NAV3: variants seen among roughly 807,000 people sequenced by gnomAD.
NAV3 encodes the protein neuron navigator 3.
A neutral mutation model predicts 244.7 loss-of-function variants in NAV3; 87 were observed. The observed-to-expected ratio is 0.36, with a 90% CI of 0.30 to 0.42. NAV3 has a LOEUF of 0.42. Ranked by LOEUF, NAV3 falls within the 20% of genes least tolerant of loss-of-function variation. The pLI, the probability that NAV3 is intolerant of heterozygous loss-of-function variation, is 1.00. For missense variants in NAV3, 2,663 were observed against 2,893.3 expected (o/e 0.92, Z 1.83); for synonymous variants, 1,126 against 1,042.2 (o/e 1.08, Z -1.55).
intron 3 of NAV3, among the ~76,000 whole-genome samples, chr12:77,959,055 T>A (rs1325350778): frequency 6.6e-6 from 1 of 152,176 alleles, no homozygotes; most frequent in East Asian, 1.9e-4. Context: ...AAAAATATAA[T>A]GTATTACTCT....
intron 2 of NAV3, among the ~76,000 whole-genome samples, chr12:77,706,394 A>G (rs972543532): frequency 6.6e-6 from 1 of 151,354 alleles, no homozygotes; most frequent in Admixed American, 6.6e-5. Flanking sequence ...GACTTTCTTC[A>G]AATTAGGGAT....
chr12:77,807,132 T>C (rs1186901427), intron 2 of NAV3, among the ~76,000 whole-genome samples: 2 of 152,216 alleles, frequency 1.3e-5, no homozygotes, highest in Non-Finnish European at 2.9e-5. Context: ...TCTATCCAAT[T>C]TGCCAGTCTG....
At chr12:78,021,107 T>G (rs572210980) in intron 8 of NAV3, among the ~76,000 whole-genome samples, 2 of 152,180 alleles carry the variant, frequency 1.3e-5, no homozygotes, top group Non-Finnish European at 2.9e-5. Flanking sequence ...GGACCTTTGT[T>G]GAGTGCTTTT....
chr12:77,802,026 C>T (rs1302622394), intron 2 of NAV3, among the ~76,000 whole-genome samples: 1 of 152,074 alleles, frequency 6.6e-6, no homozygotes, highest in Non-Finnish European at 1.5e-5. Context: ...ATCATGTAGT[C>T]TCTTAGGGGC....
At chr12:77,748,660 C>T (rs1044817880) in intron 2 of NAV3, among the ~76,000 whole-genome samples, 1 of 152,142 alleles carries the variant, frequency 6.6e-6, no homozygotes, top group East Asian at 1.9e-4. Context: ...ACTGAATAAT[C>T]TCACTTAGAT....
chr12:77,842,284 T>C lies in NAV3; in HGVS notation c.243+10580T>C, dbSNP rs1350316147. On this transcript the variant is annotated intron_variant, in intron 1 of 39. Transcript: ENST00000397909. ...TATAAAAAGCTCACTGTGGTCTGTT[T>C]CCCACCTTAGGATCTTTCTAGCTAT... Among the ~76,000 whole-genome samples, 7 of 152,264 alleles carry C rather than the reference T, an allele frequency of 4.6e-5. No homozygotes were observed. The East Asian group carries it at 1.2e-3, about 25-fold the overall frequency.
intron 13 of NAV3, 71 bp from the exon 14 acceptor site, chr12:78,117,956 A>G (rs2138557858): frequency 7.3e-7 from 1 of 1,373,458 alleles, no homozygotes; most frequent in Non-Finnish European, 9.7e-7. Context: ...CTGAAAGTAC[A>G]TTTCATTGCC....
intron 9 of NAV3, among the ~76,000 whole-genome samples, chr12:78,027,973 GT>G (rs559167675): frequency 1.3e-5 from 2 of 150,612 alleles, no homozygotes; most frequent in East Asian, 1.9e-4. Flanking sequence ...GTTTTGTTTT[GT>G]TTTTTTTATA....
At chr12:78,094,641 A>G (rs1174465168) in intron 12 of NAV3, among the ~76,000 whole-genome samples, 2 of 152,216 alleles carry the variant, frequency 1.3e-5, no homozygotes, top group Non-Finnish European at 2.9e-5. Flanking sequence ...TTAAAATACT[A>G]AGGAATATGA....
chr12:77,958,371 G>A (rs1437109343), intron 3 of NAV3, among the ~76,000 whole-genome samples: 5 of 152,104 alleles, frequency 3.3e-5, no homozygotes, highest in Non-Finnish European at 5.9e-5. Context: ...TAATAAATGT[G>A]TGATGAGTGA....
intron 8 of NAV3, among the ~76,000 whole-genome samples, chr12:78,012,252 C>T (rs1258662043): frequency 6.6e-6 from 1 of 152,074 alleles, no homozygotes; most frequent in Non-Finnish European, 1.5e-5. Flanking sequence ...ATTTCCAGCC[C>T]TTGTCTCCTA....
intron 2 of NAV3, among the ~76,000 whole-genome samples, chr12:77,750,368 A>G (rs1195358281): frequency 6.6e-6 from 1 of 151,894 alleles, no homozygotes; most frequent in Admixed American, 6.6e-5. Flanking sequence ...AACAACAACA[A>G]AAATACAAGA....
chr12:78,060,908 G>T (rs1297873528), intron 12 of NAV3, among the ~76,000 whole-genome samples: 1 of 152,142 alleles, frequency 6.6e-6, no homozygotes, highest in Admixed American at 6.6e-5. Flanking sequence ...TGAACACAAG[G>T]TGACTTTGGT....
chr12:77,621,827 T>C (rs986726113), intron 2 of NAV3, among the ~76,000 whole-genome samples: 34 of 152,046 alleles, frequency 2.2e-4, no homozygotes, highest in African/African-American at 8.2e-4. Flanking sequence ...CTCCTTGATC[T>C]CAAGAAGTCC....
chr12:77,573,150 A>C (rs1488912600), intron 2 of NAV3, among the ~76,000 whole-genome samples: 1 of 152,126 alleles, frequency 6.6e-6, no homozygotes, highest in African/African-American at 2.4e-5. Flanking sequence ...TTAGATGTGG[A>C]TCTAAGGGCC....
chr12:78,129,829 A>G (rs909937801), intron 18 of NAV3, among the ~76,000 whole-genome samples: 29 of 152,128 alleles, frequency 1.9e-4, no homozygotes, highest in African/African-American at 2.4e-5. Flanking sequence ...GAAACAAGAA[A>G]TTTCACTTTA....
intron 2 of NAV3, among the ~76,000 whole-genome samples, chr12:77,755,516 T>TTG (rs1565800228): frequency 0.015 from 318 of 21,008 alleles, 14 homozygotes; most frequent in African/African-American, 0.052. Flanking sequence ...CCTGTGCCTT[T>TTG]CCTTTCCTTT....
intron 2 of NAV3, among the ~76,000 whole-genome samples, chr12:77,632,955 T>G (rs1871981620): frequency 6.6e-6 from 1 of 152,146 alleles, no homozygotes; most frequent in South Asian, 2.1e-4. Context: ...CAACTGGTCT[T>G]CTCTTTCATA....
rs774485290 is a variant in NAV3, at chr12:78,050,991, G to A, written c.2360G>A (p.Arg787Gln). The A allele has an allele frequency of 9.3e-6, 15 of 1,613,912 alleles. No homozygotes were observed. Among genetic ancestry groups the A allele is most frequent in the African/African-American group, 2.7e-5 (2 of 74,880 alleles). Residue 787 changes from arginine to glutamine, a missense_variant, in exon 11 of 40, where the codon CGA (arginine) becomes CAA (glutamine). By Grantham distance (43) the Arg-to-Gln change is conservative. Transcript: ENST00000397909. Reference protein sequence around the residue: ...SRFMYTTPLRRAAVSRLGNMS... With the variant: ...SRFMYTTPLRQAAVSRLGNMS... ...TTCATGTATACCACGCCTCTCCGTC[G>A]AGCTGCTGTCTCTAGGCTGGGAAAC...
Sources: gnomAD v4.1 joint callset for allele counts (sites outside exome capture counted in the v4.1 genomes callset) on GRCh38, gnomAD v4.1.1 for gene constraint, MANE v1.5 for transcripts, NCBI Gene and HGNC (gene_info 2026-07-23, HGNC 2026-07-21) for gene names.